The following MCC variants were observed in gnomAD, a reference collection of about 807,000 sequenced individuals.
MCC encodes colorectal mutant cancer protein.
MCC carries 90 observed loss-of-function variants against 116.2 expected under a neutral mutation model. That is an observed-to-expected ratio of 0.77 (90% CI 0.65 to 0.92). The LOEUF (loss-of-function observed/expected upper bound fraction) is 0.92, where lower values mean the gene tolerates loss of function less well. Among genes scored for constraint, MCC ranks in the 40% least tolerant of loss-of-function variants. The pLI, the probability that MCC is intolerant of heterozygous loss-of-function variation, is 0.00. For missense variants in MCC, 1,516 were observed against 1,312.2 expected (o/e 1.16, Z -2.40); for synonymous variants, 578 against 510.5 (o/e 1.13, Z -1.78).
chr5:113,339,438 T>TGTGCGCGCAC (rs145838279), intron 3 of MCC, among the ~76,000 whole-genome samples: 1 of 149,554 alleles, frequency 6.7e-6, no homozygotes, highest in African/African-American at 2.5e-5. Context: ...TGTGTGTGTG[T>TGTGCGCGCAC]GCGTGCATGT....
Position 113,447,664 on chromosome 5 carries a change from T to A in MCC, c.170+40581A>T, listed in dbSNP as rs1452890260. Among the ~76,000 whole-genome samples, 6 of 152,190 alleles carry A rather than the reference T, an allele frequency of 3.9e-5. No individual in the cohort carries two copies. In the East Asian group the frequency reaches 7.7e-4, roughly 20 times the overall value. On this transcript the variant is annotated intron_variant, in intron 1 of 18. Coordinates refer to ENST00000408903, the MANE Select transcript of MCC (RefSeq NM_001085377.2). ...TTTTTTAAAAAGATTTATCTTTTTT[T>A]AAAAACTTGAGATACTATTAAATTG...
At chr5:113,267,937 T>C (rs1181110825) in intron 3 of MCC, among the ~76,000 whole-genome samples, 1 of 152,204 alleles carries the variant, frequency 6.6e-6, no homozygotes, top group African/African-American at 2.4e-5. Flanking sequence ...TAAAACATGA[T>C]CTTAAATTAG....
chr5:113,464,746 T>C (rs1366479886), intron 1 of MCC, among the ~76,000 whole-genome samples: 1 of 151,400 alleles, frequency 6.6e-6, no homozygotes, highest in Admixed American at 6.6e-5. Flanking sequence ...TTGAATAAAA[T>C]ATTTGAATAA....
chr5:113,317,256 T>C (rs1295379371), intron 3 of MCC, among the ~76,000 whole-genome samples: 1 of 152,176 alleles, frequency 6.6e-6, no homozygotes, highest in Non-Finnish European at 1.5e-5. Context: ...AATTTTCTGT[T>C]CGCTAACCCA....
At chr5:113,192,243 A>G (rs1345685323) in intron 3 of MCC, among the ~76,000 whole-genome samples, 1 of 152,216 alleles carries the variant, frequency 6.6e-6, no homozygotes, top group Non-Finnish European at 1.5e-5. Context: ...AGGCCAAGCT[A>G]TTAGATCAAG....
At chr5:113,077,561 G>C (rs1554114321) in intron 11 of MCC, among the ~76,000 whole-genome samples, 1 of 152,122 alleles carries the variant, frequency 6.6e-6, no homozygotes, top group Non-Finnish European at 1.5e-5. Context: ...TGACTACTGG[G>C]TACATAATGA....
intron 12 of MCC, among the ~76,000 whole-genome samples, chr5:113,070,657 G>T (rs974635875): frequency 6.6e-6 from 1 of 152,120 alleles, no homozygotes; most frequent in African/African-American, 2.4e-5. Flanking sequence ...TTTTAGAAAA[G>T]TGAATAAATT....
intron 3 of MCC, among the ~76,000 whole-genome samples, chr5:113,335,499 T>C (rs1302346532): frequency 6.6e-6 from 1 of 151,788 alleles, no homozygotes; most frequent in African/African-American, 2.4e-5. Flanking sequence ...ATGAAACTTC[T>C]GTTACGTTTT....
chr5:113,121,503 C>T (rs1230189444), intron 6 of MCC, among the ~76,000 whole-genome samples: 4 of 152,168 alleles, frequency 2.6e-5, no homozygotes, highest in Non-Finnish European at 5.9e-5. Flanking sequence ...CTATTCTCTT[C>T]CTTGACCTGC....
intron 3 of MCC, among the ~76,000 whole-genome samples, chr5:113,213,052 A>G (rs923700035): frequency 3.3e-5 from 5 of 152,204 alleles, no homozygotes; most frequent in African/African-American, 1.2e-4. Flanking sequence ...TCTATTCTGC[A>G]AAGCTTGCTT....
rs1043013582 is a variant in MCC, at chr5:113,048,866, T to A, written c.2655+227A>T. On this transcript the variant is annotated intron_variant, in intron 16 of 18. Coordinates refer to ENST00000408903, the MANE Select transcript of MCC (RefSeq NM_001085377.2). ...ACCCCTCTGATGTGACTGTGATATG[T>A]GAAAAGGTTCAACTATTACATAAAG... 8 of 588,786 alleles carry A rather than the reference T, an allele frequency of 1.4e-5. No individual in the cohort carries two copies. The African/African-American group carries it at 1.5e-4, about 11-fold the overall frequency. 36.5% of individuals were successfully genotyped at this position (588,786 alleles called of 1,614,324 possible).
intron 3 of MCC, among the ~76,000 whole-genome samples, chr5:113,304,766 T>TA (rs890981883): frequency 2.1e-4 from 31 of 148,894 alleles, no homozygotes; most frequent in African/African-American, 3.9e-4. Context: ...CCAAGGAAGT[T>TA]AAAAAAAAAA....
At chr5:113,093,991 G>C (rs1260341035) in intron 8 of MCC, among the ~76,000 whole-genome samples, 1 of 152,152 alleles carries the variant, frequency 6.6e-6, no homozygotes, top group African/African-American at 2.4e-5. Flanking sequence ...GAATCACTAG[G>C]CTGGGAAAGT....
At chr5:113,423,136 A>G (rs748345461) in intron 1 of MCC, among the ~76,000 whole-genome samples, 26 of 152,228 alleles carry the variant, frequency 1.7e-4, no homozygotes, top group Non-Finnish European at 2.9e-4. Context: ...CTCATACTGT[A>G]AACATCATCC....
At chr5:113,419,365 C>CTT (rs144386805) in intron 1 of MCC, among the ~76,000 whole-genome samples, 13 of 147,520 alleles carry the variant, frequency 8.8e-5, no homozygotes, top group Admixed American at 6.8e-4. Context: ...TTCTTTTTTT[C>CTT]TTTTTTTTTT....
chr5:113,412,915 A>G (rs958779807), intron 1 of MCC, among the ~76,000 whole-genome samples: 12 of 152,118 alleles, frequency 7.9e-5, no homozygotes, highest in African/African-American at 2.7e-4. Context: ...GTTTGTCATA[A>G]ATAGCTCTTA....
At chr5:113,092,614 T>C in intron 8 of MCC, among the ~76,000 whole-genome samples, 1 of 152,198 alleles carries the variant, frequency 6.6e-6, no homozygotes, top group East Asian at 1.9e-4. Context: ...TATAGATCTT[T>C]GCTGAAAGAA....
At chr5:113,333,760 A>G (rs1767757065) in intron 3 of MCC, among the ~76,000 whole-genome samples, 2 of 81,816 alleles carry the variant, frequency 2.4e-5, no homozygotes, top group African/African-American at 3.7e-5. Flanking sequence ...TAAATGCACA[A>G]AAACAAAATG....
At chr5:113,360,376 T>G in intron 2 of MCC, among the ~76,000 whole-genome samples, 1 of 152,216 alleles carries the variant, frequency 6.6e-6, no homozygotes, top group African/African-American at 2.4e-5. Context: ...CTTGTTTATA[T>G]ATTACTGATT....
Sources: gnomAD v4.1 joint callset for allele counts (sites outside exome capture counted in the v4.1 genomes callset) on GRCh38, gnomAD v4.1.1 for gene constraint, MANE v1.5 for transcripts, NCBI Gene and HGNC (gene_info 2026-07-23, HGNC 2026-07-21) for gene names.